TBC1D5: variants seen among roughly 807,000 people sequenced by gnomAD.
The protein encoded by TBC1D5 is TBC1 domain family member 5.
A neutral mutation model predicts 100.3 loss-of-function variants in TBC1D5; 75 were observed. The ratio of observed to expected loss-of-function variants is 0.75; its 90% CI spans 0.62 to 0.91. The LOEUF is 0.91. Among genes scored for constraint, TBC1D5 ranks in the 40% least tolerant of loss-of-function variants. TBC1D5 has a pLI of 0.00. For synonymous variants in TBC1D5, 323 were observed against 325.6 expected (o/e 0.99, Z 0.09); for missense variants, 910 against 942.4 (o/e 0.97, Z 0.45).
intron 3 of TBC1D5, among the ~76,000 whole-genome samples, chr3:17,466,370 G>A (rs996717788): frequency 1.3e-5 from 2 of 152,142 alleles, no homozygotes; most frequent in African/African-American, 4.8e-5. Flanking sequence ...ATTTAGATAG[G>A]AAAATAGATG....
chr3:17,409,131 C>T (rs11925427), intron 4 of TBC1D5, among the ~76,000 whole-genome samples: 13,865 of 152,130 alleles, frequency 0.091, 1,426 homozygotes, highest in African/African-American at 0.26. Flanking sequence ...TTTTAATAAA[C>T]TGAAGGTTTG....
intron 13 of TBC1D5, 80 bp from the exon 14 acceptor site, chr3:17,308,214 A>G: frequency 3.6e-6 from 5 of 1,393,276 alleles, no homozygotes. Flanking sequence ...TAACTGTGAA[A>G]AACTATTAAC....
At chr3:17,377,197 AT>A (rs199657055) in intron 9 of TBC1D5, among the ~76,000 whole-genome samples, 2,364 of 152,170 alleles carry the variant, frequency 0.016, 23 homozygotes, top group Non-Finnish European at 0.025. Flanking sequence ...AACTACCGTA[AT>A]TTTTTCCTGT....
chr3:17,689,875 C>A (rs2070868815), intron 1 of TBC1D5, among the ~76,000 whole-genome samples: 1 of 146,294 alleles, frequency 6.8e-6, no homozygotes, highest in Admixed American at 7.1e-5. Flanking sequence ...CATACCTAAA[C>A]ATACAACAAA....
intron 2 of TBC1D5, among the ~76,000 whole-genome samples, chr3:17,532,297 C>T (rs2096237368): frequency 1.3e-5 from 2 of 152,198 alleles, no homozygotes; most frequent in South Asian, 2.1e-4. Context: ...TACCATCTCA[C>T]ACCAGTTAGA....
At chr3:17,164,317 T>C (rs977409270) in intron 21 of TBC1D5, among the ~76,000 whole-genome samples, 2 of 152,172 alleles carry the variant, frequency 1.3e-5, no homozygotes, top group Admixed American at 1.3e-4. Flanking sequence ...TTCTGCACTA[T>C]CTTTTAGACA....
At chr3:17,703,991 G>C (rs546273405) in intron 1 of TBC1D5, among the ~76,000 whole-genome samples, 1 of 142,418 alleles carries the variant, frequency 7.0e-6, no homozygotes, top group African/African-American at 2.6e-5. Context: ...CAGGGTCATG[G>C]GACAATAGTG....
chr3:17,376,522 T>C lies in TBC1D5; in HGVS notation c.701+3A>G. 1 of 1,599,942 alleles carries C rather than the reference T, an allele frequency of 6.3e-7. No homozygotes were observed. Among genetic ancestry groups the C allele is most frequent in the Non-Finnish European group, 8.5e-7 (1 of 1,175,802 alleles). On this transcript the variant is annotated splice_donor_region_variant and intron_variant, in intron 10 of 21. Transcript: ENST00000253692. ...TGGAGCTCATATTAAAAAAAAAACTTGCCTGGGCTGTGCAGACTCACTGGC... is the reference window on the plus strand; with the variant it reads ...TGGAGCTCATATTAAAAAAAAAACTCGCCTGGGCTGTGCAGACTCACTGGC...
At chr3:17,647,535 G>C (rs940968177) in intron 1 of TBC1D5, among the ~76,000 whole-genome samples, 2 of 151,906 alleles carry the variant, frequency 1.3e-5, no homozygotes, top group Admixed American at 1.3e-4. Flanking sequence ...AATTTCTGTG[G>C]ATAACTGAGG....
In TBC1D5 at chr3:17,363,452, CTTTT is replaced by C. The variant is rs550697687; in HGVS notation, c.995+8619_995+8622del. On this transcript the variant is annotated intron_variant, in intron 13 of 21. Coordinates refer to ENST00000253692, the Ensembl canonical transcript of TBC1D5. Reference sequence around the variant, plus strand: ...GCTACTTAATTTGTATATTTCTTTCCTTTTTTTTTATTTTTTTATTTTTTAGAGA... The same window carrying C: ...GCTACTTAATTTGTATATTTCTTTCCTTTTTATTTTTTTATTTTTTAGAGA... Among the ~76,000 whole-genome samples, 254 of 150,990 alleles carry C rather than the reference CTTTT, an allele frequency of 1.7e-3. 2 individuals carry two copies. The highest frequency in any genetic ancestry group is 5.9e-3 in the African/African-American group (244 of 41,210).
chr3:17,691,059 A>G (rs1401029891), intron 1 of TBC1D5, among the ~76,000 whole-genome samples: 4 of 152,254 alleles, frequency 2.6e-5, no homozygotes, highest in African/African-American at 9.6e-5. Flanking sequence ...AGAAGAAACC[A>G]GCTCTCATTC....
chr3:17,322,807 A>G (rs189753967), intron 13 of TBC1D5, among the ~76,000 whole-genome samples: 10 of 152,338 alleles, frequency 6.6e-5, no homozygotes, highest in Admixed American at 5.9e-4. Context: ...ACTACTACAC[A>G]GCAGTGGAAA....
intron 1 of TBC1D5, among the ~76,000 whole-genome samples, chr3:17,704,165 C>T (rs2073631306): frequency 7.1e-6 from 1 of 140,350 alleles, no homozygotes; most frequent in Non-Finnish European, 1.5e-5. Context: ...TAACAAAGCA[C>T]ATCTTGCACC....
At chr3:17,646,141 A>G (rs1023178667) in intron 1 of TBC1D5, among the ~76,000 whole-genome samples, 2 of 151,816 alleles carry the variant, frequency 1.3e-5, no homozygotes, top group African/African-American at 4.9e-5. Flanking sequence ...GGATGCAGAC[A>G]GACACTCAGA....
At chr3:17,326,912 T>C (rs2086226264) in intron 13 of TBC1D5, among the ~76,000 whole-genome samples, 1 of 152,232 alleles carries the variant, frequency 6.6e-6, no homozygotes, top group South Asian at 2.1e-4. Context: ...GGAGTCTTCA[T>C]TGATTTCCCT....
chr3:17,593,325 T>G (rs187206620), intron 2 of TBC1D5, among the ~76,000 whole-genome samples: 2 of 152,236 alleles, frequency 1.3e-5, no homozygotes, highest in Non-Finnish European at 2.9e-5. Flanking sequence ...AAAGTGGTCA[T>G]GGTGGCAGGG....
At position 17,710,454 on chromosome 3, in the gene TBC1D5, C is replaced by T. The variant is rs565178009; in HGVS notation, c.-101+28889G>A. Among the ~76,000 whole-genome samples the T allele has an allele frequency of 1.7e-3, 265 of 151,984 alleles. 2 individuals are homozygous for T. In the Middle Eastern group the frequency reaches 0.027, roughly 16 times the overall value. ...TGCCGCATGATTGTAATCCCAGCTA[C>T]TTGGGAGGCTGAAGCAGAAGAATCA... is the stretch of plus-strand genomic sequence containing the variant. On this transcript the variant is annotated intron_variant, in intron 1 of 21. Transcript: ENST00000253692.
chr3:17,670,247 A>G (rs766200792), intron 1 of TBC1D5, among the ~76,000 whole-genome samples: 1 of 152,224 alleles, frequency 6.6e-6, no homozygotes, highest in Non-Finnish European at 1.5e-5. Context: ...AATCACTCTG[A>G]ACATGTAAAA....
chr3:17,696,935 C>A (rs2072207616), intron 1 of TBC1D5, among the ~76,000 whole-genome samples: 1 of 152,192 alleles, frequency 6.6e-6, no homozygotes, highest in East Asian at 1.9e-4. Context: ...CCCTGGGATG[C>A]AAGGCTGATT....
Sources: allele counts gnomAD v4.1 joint callset (sites outside exome capture counted in the v4.1 genomes callset), GRCh38; gene constraint gnomAD v4.1.1; transcripts MANE v1.5; gene names NCBI Gene and HGNC (gene_info 2026-07-23, HGNC 2026-07-21).